The following SEMA6D variants were observed in gnomAD, a reference collection of about 807,000 sequenced individuals.
The protein encoded by SEMA6D is semaphorin-6D.
In SEMA6D, 35 loss-of-function variants were observed where a neutral mutation model predicts 106.6. The ratio of observed to expected loss-of-function variants is 0.33; its 90% CI spans 0.25 to 0.44. The LOEUF is 0.44. Among genes scored for constraint, SEMA6D ranks in the 20% least tolerant of loss-of-function variants. The probability of loss-of-function intolerance (pLI) is 1.00; values close to 1 mark genes in which losing one functional copy is unlikely to be tolerated. For synonymous variants in SEMA6D, 499 were observed against 487.7 expected, an observed-to-expected ratio of 1.02 and a Z score of -0.31; for missense variants, 1,185 against 1,345.9, an observed-to-expected ratio of 0.88 and a Z score of 1.87.
intron 1 of SEMA6D, among the ~76,000 whole-genome samples, chr15:47,325,370 G>A (rs1258108014): frequency 1.3e-5 from 2 of 151,896 alleles, no homozygotes; most frequent in African/African-American, 4.8e-5. Context: ...ACGAGGTTTG[G>A]TCATGTTGGC....
At chr15:47,361,133 T>C (rs544065675) in intron 1 of SEMA6D, among the ~76,000 whole-genome samples, 2 of 152,332 alleles carry the variant, frequency 1.3e-5, no homozygotes, top group African/African-American at 4.8e-5. Context: ...TCCTTCTTCC[T>C]TTCTTGCATC....
At chr15:47,418,285 A>G (rs1022919578) in intron 2 of SEMA6D, among the ~76,000 whole-genome samples, 5 of 152,254 alleles carry the variant, frequency 3.3e-5, no homozygotes, top group African/African-American at 1.2e-4. Context: ...CAGGGAGGCT[A>G]TTCAGTCTGA....
intron 4 of SEMA6D, among the ~76,000 whole-genome samples, chr15:47,666,515 G>A (rs2145296421): frequency 6.6e-6 from 1 of 152,304 alleles, no homozygotes; most frequent in South Asian, 2.1e-4. Context: ...AACAAAGCAA[G>A]CCTTACTGGT....
intron 3 of SEMA6D, among the ~76,000 whole-genome samples, chr15:47,489,464 G>A (rs1429810171): frequency 6.6e-6 from 1 of 152,096 alleles, no homozygotes; most frequent in Non-Finnish European, 1.5e-5. Flanking sequence ...CTCACTATGT[G>A]TCAAAACTAT....
chr15:47,455,031 A>G (rs1468960421), intron 2 of SEMA6D, among the ~76,000 whole-genome samples: 3 of 151,936 alleles, frequency 2.0e-5, no homozygotes, highest in African/African-American at 4.8e-5. Context: ...TCCTTAAAAA[A>G]CAGCCCAGAA....
chr15:47,421,993 A>G (rs1244408754), intron 2 of SEMA6D, among the ~76,000 whole-genome samples: 1 of 152,118 alleles, frequency 6.6e-6, no homozygotes. Flanking sequence ...TTCTTCACAC[A>G]TCTTCCTTAG....
chr15:47,531,157 A>AT (rs1334571905), intron 3 of SEMA6D, among the ~76,000 whole-genome samples: 1 of 152,234 alleles, frequency 6.6e-6, no homozygotes, highest in African/African-American at 2.4e-5. Context: ...ATATCTTTAT[A>AT]TGTATATGAA....
At chr15:47,648,205 C>T (rs1197968426) in intron 4 of SEMA6D, among the ~76,000 whole-genome samples, 2 of 152,086 alleles carry the variant, frequency 1.3e-5, no homozygotes, top group Non-Finnish European at 2.9e-5. Context: ...AACATCTATG[C>T]CAGCCAGGGC....
intron 3 of SEMA6D, among the ~76,000 whole-genome samples, chr15:47,587,169 A>C (rs2076356468): frequency 6.6e-6 from 1 of 152,082 alleles, no homozygotes; most frequent in Non-Finnish European, 1.5e-5. Context: ...AGCAAAGCTG[A>C]AGGAGGCAGG....
chr15:47,675,148 C>A (rs1311828539), intron 4 of SEMA6D, among the ~76,000 whole-genome samples: 1 of 152,208 alleles, frequency 6.6e-6, no homozygotes, highest in Non-Finnish European at 1.5e-5. Context: ...CTATTATTTT[C>A]TAGTTGGCAT....
intron 1 of SEMA6D, among the ~76,000 whole-genome samples, chr15:47,328,545 C>G (rs989520506): frequency 1.3e-5 from 2 of 152,198 alleles, no homozygotes; most frequent in African/African-American, 4.8e-5. Flanking sequence ...AGCATTTGCT[C>G]TAGATCCTCA....
chr15:47,596,365 A>G (rs2076535864), intron 3 of SEMA6D, among the ~76,000 whole-genome samples: 2 of 152,232 alleles, frequency 1.3e-5, no homozygotes, highest in South Asian at 4.1e-4. Flanking sequence ...ACTCAAAGCA[A>G]TATATAGATT....
At chr15:47,512,465 G>T (rs1178519668) in intron 3 of SEMA6D, among the ~76,000 whole-genome samples, 1 of 152,254 alleles carries the variant, frequency 6.6e-6, no homozygotes, top group African/African-American at 2.4e-5. Context: ...TATCTGTGTA[G>T]TCCTGACAGG....
chr15:47,728,257 A>G (rs1477235005), intron 1 of SEMA6D, among the ~76,000 whole-genome samples: 1 of 152,214 alleles, frequency 6.6e-6, no homozygotes, highest in African/African-American at 2.4e-5. Context: ...CACGATTAGA[A>G]TGAGCATTAA....
chr15:47,657,014 G>A (rs2145097691), intron 4 of SEMA6D, among the ~76,000 whole-genome samples: 1 of 152,336 alleles, frequency 6.6e-6, no homozygotes, highest in Non-Finnish European at 1.5e-5. Flanking sequence ...AGGCTGTGTT[G>A]TTGAAATTGT....
chr15:47,226,509 T>C (rs1296417675), intron 1 of SEMA6D, among the ~76,000 whole-genome samples: 1 of 152,142 alleles, frequency 6.6e-6, no homozygotes, highest in Non-Finnish European at 1.5e-5. Flanking sequence ...TACTTTGTTA[T>C]CAATAGGCAT....
chr15:47,470,238 A>G (rs573927167), intron 2 of SEMA6D, among the ~76,000 whole-genome samples: 70 of 152,134 alleles, frequency 4.6e-4, no homozygotes, highest in Admixed American at 1.3e-3. Flanking sequence ...TTGCTTACCT[A>G]CAATAACCAT....
chr15:47,259,887 T>G (rs1013655794), intron 1 of SEMA6D, among the ~76,000 whole-genome samples: 1 of 152,086 alleles, frequency 6.6e-6, no homozygotes, highest in Non-Finnish European at 1.5e-5. Flanking sequence ...TTAAATAGAT[T>G]ATTTTCTCTT....
At chr15:47,611,140 G>A (rs923565194) in intron 4 of SEMA6D, among the ~76,000 whole-genome samples, 26 of 132,882 alleles carry the variant, frequency 2.0e-4, no homozygotes, top group African/African-American at 6.8e-4. Flanking sequence ...CACTGCCACC[G>A]TCCTACATAC....
Sources: gnomAD v4.1 joint callset for allele counts (sites outside exome capture counted in the v4.1 genomes callset) on GRCh38, gnomAD v4.1.1 for gene constraint, MANE v1.5 for transcripts, NCBI Gene and HGNC (gene_info 2026-07-23, HGNC 2026-07-21) for gene names.